The following MICAL2 variants were observed in gnomAD, a reference collection of about 807,000 sequenced individuals.
The protein encoded by MICAL2 is microtubule associated monooxygenase, calponin and LIM domain containing 2.
Under a neutral mutation model 127.3 loss-of-function variants are expected in MICAL2, and 77 were observed. The observed-to-expected ratio is 0.60, with a 90% CI of 0.50 to 0.73. The LOEUF is 0.73. Ranked by LOEUF, MICAL2 falls within the 30% of genes least tolerant of loss-of-function variation. MICAL2 has a pLI of 0.00. For missense variants in MICAL2, 1,351 were observed against 1,434.4 expected, an observed-to-expected ratio of 0.94 and a Z score of 0.94; for synonymous variants, 570 against 551.1, an observed-to-expected ratio of 1.03 and a Z score of -0.48.
chr11:12,118,006 G>A (rs964514091), intron 1 of MICAL2, among the ~76,000 whole-genome samples: 1 of 152,194 alleles, frequency 6.6e-6, no homozygotes, highest in Admixed American at 6.5e-5. Context: ...AGAGCTTCCC[G>A]GCCACATGCC....
chr11:12,202,849 A>G (rs1338259800), intron 3 of MICAL2, among the ~76,000 whole-genome samples: 2 of 152,202 alleles, frequency 1.3e-5, no homozygotes, highest in African/African-American at 2.4e-5. Context: ...TGGTTTTAGT[A>G]TATTTACAAA....
intron 29 of MICAL2, among the ~76,000 whole-genome samples, chr11:12,304,930 TG>T (rs1309911743): frequency 5.3e-5 from 8 of 152,218 alleles, no homozygotes; most frequent in Non-Finnish European, 1.2e-4. Flanking sequence ...ATGTGACTTA[TG>T]GAATGAATTC....
chr11:12,292,363 C>A (rs531625025), downstream of MICAL2: 18 of 1,537,442 alleles, frequency 1.2e-5, no homozygotes, highest in Admixed American at 1.4e-4. Context: ...TTCCCACCTT[C>A]CACACTTATC....
At chr11:12,224,002 G>A (rs1169132681) in intron 12 of MICAL2, among the ~76,000 whole-genome samples, 1 of 152,056 alleles carries the variant, frequency 6.6e-6, no homozygotes, top group Admixed American at 6.5e-5. Context: ...TTGGCTACCT[G>A]TGCCTGTCCA....
intron 26 of MICAL2, chr11:12,261,023 C>T: frequency 1.0e-6 from 1 of 985,552 alleles, no homozygotes; most frequent in Non-Finnish European, 1.2e-6. Context: ...CCTGTGGCTC[C>T]CAGCGGATCC....
chr11:12,239,694 A>T (rs1325918974), intron 17 of MICAL2, 109 bp downstream of exon 17: 1 of 1,316,538 alleles, frequency 7.6e-7, no homozygotes, highest in African/African-American at 1.5e-5. Flanking sequence ...GGTCCCAAGG[A>T]GACTTGAGCT....
chr11:12,260,759 G>C lies in MICAL2; in HGVS notation c.3334+862G>C, dbSNP rs1015018723. The C allele has an allele frequency of 4.1e-6, 4 of 985,350 alleles. No individual in the cohort carries two copies. The African/African-American group carries it at 7.0e-5, about 17-fold the overall frequency. 61.0% of individuals were successfully genotyped at this position (985,350 alleles called of 1,614,324 possible). ...TTACAGAAGCACGGAGCAGTGTGTG[G>C]TTGGCTGTTATCTGTCCCCCTGGGA... On this transcript the variant is annotated intron_variant, in intron 26 of 27. Coordinates refer to ENST00000683283, the MANE Select transcript of MICAL2 (RefSeq NM_001282663.2).
rs149775720 is a variant in MICAL2 at position 12,236,175 on chromosome 11, A to G, written c.1996-2A>G. ...CTCACCCTGCTTTCTTGGCCATTGC[A>G]GGTGGATGGTCAAACCGGAGAGAAT... On this transcript the variant is annotated splice_acceptor_variant, in intron 15 of 27. Coordinates refer to ENST00000683283, the MANE Select transcript of MICAL2 (RefSeq NM_001282663.2). LOFTEE classifies it high-confidence loss of function. 6.2e-7 allele frequency: 1 copy of G among 1,613,938 alleles called. No individual in the cohort carries two copies. Among genetic ancestry groups the G allele is most frequent in the African/African-American group, 1.3e-5 (1 of 74,906 alleles).
At chr11:12,329,615 G>T (rs1218591982) in intron 32 of MICAL2, among the ~76,000 whole-genome samples, 4 of 152,112 alleles carry the variant, frequency 2.6e-5, no homozygotes, top group Non-Finnish European at 5.9e-5. Flanking sequence ...GAAAAGTGAA[G>T]ATAATAATCC....
upstream of MICAL2, among the ~76,000 whole-genome samples, chr11:12,271,562 T>C (rs113083574): frequency 6.2e-3 from 947 of 152,304 alleles, 17 homozygotes; most frequent in African/African-American, 0.022. Context: ...GTGAGGATGC[T>C]AATACCGTTC....
In MICAL2 at chr11:12,270,948, G is replaced by A. The variant is rs80296900; in HGVS notation, c.3335-5038G>A. ...CACCCGCAGAACCAGGGAGTGCCGCGCCTCTCCATAACCCTGCGGCAGGGG... is the reference window on the plus strand; with the variant it reads ...CACCCGCAGAACCAGGGAGTGCCGCACCTCTCCATAACCCTGCGGCAGGGG... On this transcript the variant is annotated intron_variant, in intron 24 of 34. Coordinates refer to the MICAL2 transcript ENST00000646065. 7.3e-3 allele frequency among the ~76,000 whole-genome samples: 1,114 copies of A among 152,306 alleles called. 9 individuals are homozygous for A. The highest frequency in any genetic ancestry group is 0.026 in the African/African-American group (1,060 of 41,552).
chr11:12,330,889 G>T, intron 32 of MICAL2, among the ~76,000 whole-genome samples: 1 of 129,530 alleles, frequency 7.7e-6, no homozygotes, highest in Non-Finnish European at 1.6e-5. Flanking sequence ...GAGACAGAGA[G>T]AGAGAGAGAG....
chr11:12,330,524 T>C (rs537646366), intron 32 of MICAL2, among the ~76,000 whole-genome samples: 14 of 152,212 alleles, frequency 9.2e-5, no homozygotes, highest in Admixed American at 7.9e-4. Context: ...CTGGGAGTTA[T>C]TCATTAGGCG....
downstream of MICAL2, among the ~76,000 whole-genome samples, chr11:12,266,558 T>G (rs901370078): frequency 6.6e-6 from 1 of 152,278 alleles, no homozygotes; most frequent in Non-Finnish European, 1.5e-5. Flanking sequence ...GAATTTTATG[T>G]GCAGAACTTC....
intron 3 of MICAL2, among the ~76,000 whole-genome samples, chr11:12,190,309 C>G (rs1258058036): frequency 6.6e-6 from 1 of 152,160 alleles, no homozygotes; most frequent in Non-Finnish European, 1.5e-5. Context: ...GTTTTGGACT[C>G]TCCTACGTAA....
At chr11:12,174,667 A>G (rs939855370) in intron 3 of MICAL2, among the ~76,000 whole-genome samples, 3 of 151,442 alleles carry the variant, frequency 2.0e-5, no homozygotes, top group Non-Finnish European at 4.4e-5. Flanking sequence ...TATCAGTTTG[A>G]GTCTTTGTTT....
intron 33 of MICAL2, among the ~76,000 whole-genome samples, chr11:12,350,362 T>G (rs4757383): frequency 1.3e-5 from 2 of 152,212 alleles, no homozygotes; most frequent in Non-Finnish European, 2.9e-5. Flanking sequence ...AAGGACTGAG[T>G]TCTGTCTGGC....
chr11:12,280,588 C>G (rs889378024), intron 1 of MICAL2, among the ~76,000 whole-genome samples: 2 of 152,158 alleles, frequency 1.3e-5, no homozygotes, highest in African/African-American at 4.8e-5. Context: ...TAGTGTTTTC[C>G]TTCTGTGCCT....
chr11:12,131,493 C>T (rs1851416022), intron 1 of MICAL2, among the ~76,000 whole-genome samples: 1 of 152,178 alleles, frequency 6.6e-6, no homozygotes, highest in Non-Finnish European at 1.5e-5. Context: ...TCTTCTCTGC[C>T]TTTTCAACAC....
Sources: gnomAD v4.1 joint callset for allele counts (sites outside exome capture counted in the v4.1 genomes callset) on GRCh38, gnomAD v4.1.1 for gene constraint, MANE v1.5 for transcripts, NCBI Gene and HGNC (gene_info 2026-07-23, HGNC 2026-07-21) for gene names.